UNC79: variants seen among roughly 807,000 people sequenced by gnomAD.
UNC79 encodes protein unc-79 homolog.
Under a neutral mutation model 283.1 loss-of-function variants are expected in UNC79, and 37 were observed. The observed-to-expected ratio is 0.13, with a 90% CI of 0.10 to 0.17. The LOEUF (loss-of-function observed/expected upper bound fraction) is 0.17, where lower values mean the gene tolerates loss of function less well. Ranked by LOEUF, UNC79 falls within the 10% of genes least tolerant of loss-of-function variation. The pLI is 1.00. For synonymous variants in UNC79, 1,107 were observed against 1,200.2 expected, an observed-to-expected ratio of 0.92 and a Z score of 1.61; for missense variants, 2,272 against 3,211.1, an observed-to-expected ratio of 0.71 and a Z score of 7.07.
chr14:93,364,016 G>A (rs138878006), intron 1 of UNC79, among the ~76,000 whole-genome samples: 9 of 152,010 alleles, frequency 5.9e-5, no homozygotes, highest in South Asian at 2.1e-4. Context: ...CACTGCGCCC[G>A]GCCTATGTAA....
At chr14:93,520,365 T>A (rs532385281) in intron 7 of UNC79, among the ~76,000 whole-genome samples, 18 of 152,082 alleles carry the variant, frequency 1.2e-4, no homozygotes, top group African/African-American at 4.3e-4. Flanking sequence ...TCAATTTGTT[T>A]ATAATGAATT....
At chr14:93,514,186 C>T (rs917094863) in intron 7 of UNC79, among the ~76,000 whole-genome samples, 6 of 152,062 alleles carry the variant, frequency 3.9e-5, no homozygotes, top group African/African-American at 1.4e-4. Context: ...AAGCTTCTAG[C>T]CAGTCTAACC....
At chr14:93,378,553 A>G (rs192047031) in intron 1 of UNC79, among the ~76,000 whole-genome samples, 7 of 152,286 alleles carry the variant, frequency 4.6e-5, no homozygotes, top group Admixed American at 4.6e-4. Flanking sequence ...ATCTAAGTCT[A>G]AACACTAAAT....
chr14:93,616,694 C>T (rs2066754691), intron 27 of UNC79, among the ~76,000 whole-genome samples: 1 of 152,068 alleles, frequency 6.6e-6, no homozygotes, highest in Admixed American at 6.6e-5. Context: ...ATATATATTA[C>T]TAAATTGTTC....
At chr14:93,530,857 C>T (rs1485729434) in intron 10 of UNC79, among the ~76,000 whole-genome samples, 7 of 152,006 alleles carry the variant, frequency 4.6e-5, no homozygotes, top group Non-Finnish European at 8.8e-5. Flanking sequence ...GGCAGTGAGC[C>T]GAGATCGCCC....
At position 93,457,597 on chromosome 14, in the gene UNC79, G is replaced by C. The variant is rs550158830; in HGVS notation, c.23-10074G>C. Among the ~76,000 whole-genome samples the C allele has an allele frequency of 3.3e-5, 5 of 152,328 alleles. No homozygotes were observed. The South Asian group carries it at 8.3e-4, about 25-fold the overall frequency. On this transcript the variant is annotated intron_variant, in intron 1 of 48. Transcript: ENST00000555664. ...TGGGACACAAGGAAAAGAGGCCGAA[G>C]GTGAAACCCAACAGGTGAGCAGGGA...
At chr14:93,660,280 G>C (rs1244151670) in intron 39 of UNC79, among the ~76,000 whole-genome samples, 1 of 151,952 alleles carries the variant, frequency 6.6e-6, no homozygotes, top group African/African-American at 2.4e-5. Flanking sequence ...GAGGAAACAG[G>C]CTCAGAGAGA....
At chr14:93,538,417 C>G (rs567947719) in intron 12 of UNC79, among the ~76,000 whole-genome samples, 199 bp downstream of exon 12, 1 of 152,316 alleles carries the variant, frequency 6.6e-6, no homozygotes, top group African/African-American at 2.4e-5. Flanking sequence ...ATGTGCCACG[C>G]ACTATGCTGG....
intron 1 of UNC79, among the ~76,000 whole-genome samples, chr14:93,346,356 C>T (rs2053828094): frequency 6.6e-6 from 1 of 152,114 alleles, no homozygotes; most frequent in Non-Finnish European, 1.5e-5. Context: ...TTTACTTTTC[C>T]CTCAAGAGGG....
intron 5 of UNC79, among the ~76,000 whole-genome samples, chr14:93,494,574 T>A (rs541784692): frequency 2.1e-4 from 32 of 152,118 alleles, no homozygotes; most frequent in Non-Finnish European, 4.6e-4. Context: ...ATAATGAACT[T>A]TGAGCCCACA....
chr14:93,407,529 G>T (rs1026474323), intron 1 of UNC79, among the ~76,000 whole-genome samples: 21 of 152,248 alleles, frequency 1.4e-4, no homozygotes, highest in African/African-American at 4.6e-4. Context: ...CATGCCTCTG[G>T]CAGGGGAGAG....
chr14:93,513,830 G>T (rs1055603734), intron 7 of UNC79, among the ~76,000 whole-genome samples: 1 of 152,006 alleles, frequency 6.6e-6, no homozygotes, highest in African/African-American at 2.4e-5. Flanking sequence ...TCTTCCCAAG[G>T]ACTTAAATTT....
At chr14:93,665,088 C>T (rs1431857296) in intron 40 of UNC79, among the ~76,000 whole-genome samples, 1 of 150,534 alleles carries the variant, frequency 6.6e-6, no homozygotes, top group African/African-American at 2.4e-5. Flanking sequence ...AGTGACTATA[C>T]TTTAAATGAT....
intron 1 of UNC79, among the ~76,000 whole-genome samples, chr14:93,355,052 G>C (rs991475384): frequency 6.8e-6 from 1 of 146,092 alleles, no homozygotes; most frequent in African/African-American, 2.6e-5. Flanking sequence ...TTTTTTGACA[G>C]AGTTTCGCTC....
chr14:93,637,709 C>T (rs1339809600), intron 32 of UNC79, among the ~76,000 whole-genome samples: 3 of 152,272 alleles, frequency 2.0e-5, no homozygotes, highest in Non-Finnish European at 2.9e-5. Flanking sequence ...CCACCTGCCT[C>T]GACCTCCCAA....
At chr14:93,553,429 T>C (rs1280251389) in intron 14 of UNC79, among the ~76,000 whole-genome samples, 2 of 152,238 alleles carry the variant, frequency 1.3e-5, no homozygotes. Flanking sequence ...AGTTTTTCCC[T>C]CTATTCTAAT....
chr14:93,639,383 G>T (rs553114273), intron 32 of UNC79, among the ~76,000 whole-genome samples: 2 of 152,090 alleles, frequency 1.3e-5, no homozygotes, highest in African/African-American at 4.8e-5. Flanking sequence ...AACTTCATGC[G>T]GTTTACCGTG....
chr14:93,345,755 A>G (rs2053812611), intron 1 of UNC79, among the ~76,000 whole-genome samples: 1 of 152,028 alleles, frequency 6.6e-6, no homozygotes, highest in Non-Finnish European at 1.5e-5. Context: ...AAGCAAATAA[A>G]TAGGAATAGT....
chr14:93,379,718 A>AGGGGGGGGGGGGG (rs201852550), intron 1 of UNC79, among the ~76,000 whole-genome samples: 2 of 50,562 alleles, frequency 4.0e-5, no homozygotes, highest in South Asian at 6.0e-4. Context: ...GGAGGGTGGG[A>AGGGGGGGGGGGGG]GGGGGGTGAG....
Sources: gnomAD v4.1 joint callset for allele counts (sites outside exome capture counted in the v4.1 genomes callset) on GRCh38, gnomAD v4.1.1 for gene constraint, MANE v1.5 for transcripts, NCBI Gene and HGNC (gene_info 2026-07-23, HGNC 2026-07-21) for gene names.